The following STK32A variants were observed in gnomAD, a reference collection of about 807,000 sequenced individuals.
STK32A encodes the protein serine/threonine kinase 32A, also known as serine/threonine-protein kinase 32A.
A neutral mutation model predicts 53.2 loss-of-function variants in STK32A; 41 were observed. The ratio of observed to expected loss-of-function variants is 0.77; its 90% confidence interval spans 0.60 to 1.00. The LOEUF (loss-of-function observed/expected upper bound fraction) is 1.00, where lower values mean the gene tolerates loss of function less well. Ranked by LOEUF, STK32A falls within the 50% of genes least tolerant of loss-of-function variation. The probability of loss-of-function intolerance (pLI) is 0.00; values close to 1 mark genes in which losing one functional copy is unlikely to be tolerated. For missense variants in STK32A, 458 were observed against 485.8 expected (o/e 0.94, Z 0.54); for synonymous variants, 166 against 162.8 (o/e 1.02, Z -0.15).
At chr5:147,298,877 T>C (rs1429998830) in intron 4 of STK32A, among the ~76,000 whole-genome samples, 1 of 152,178 alleles carries the variant, frequency 6.6e-6, no homozygotes, top group African/African-American at 2.4e-5. Context: ...GAGTTAAGAA[T>C]GTGTATGGCT....
chr5:147,255,400 GCACAGTATGA>G (rs1343606583), intron 2 of STK32A, among the ~76,000 whole-genome samples: 1 of 152,180 alleles, frequency 6.6e-6, no homozygotes, highest in African/African-American at 2.4e-5. Context: ...ACTTACGGAT[GCACAGTATGA>G]CACAGCACCC....
intron 7 of STK32A, among the ~76,000 whole-genome samples, chr5:147,357,154 T>C (rs1185992006): frequency 6.6e-6 from 1 of 152,120 alleles, no homozygotes; most frequent in Non-Finnish European, 1.5e-5. Flanking sequence ...ATTAATTAAT[T>C]TGATTAATTA....
chr5:147,265,263 T>C (rs905519155), intron 2 of STK32A, among the ~76,000 whole-genome samples: 2 of 151,886 alleles, frequency 1.3e-5, no homozygotes, highest in Non-Finnish European at 2.9e-5. Flanking sequence ...ACTGCAAGTC[T>C]GTCTGATGTG....
intron 1 of STK32A, among the ~76,000 whole-genome samples, chr5:147,238,717 A>G (rs1266727509): frequency 6.6e-6 from 1 of 152,100 alleles, no homozygotes; most frequent in Middle Eastern, 3.2e-3. Context: ...AGTTATATAT[A>G]TGTGTATTAT....
intron 4 of STK32A, among the ~76,000 whole-genome samples, chr5:147,314,359 G>T (rs1402574302): frequency 6.6e-6 from 1 of 151,952 alleles, no homozygotes; most frequent in Non-Finnish European, 1.5e-5. Context: ...TTAGCTGGGT[G>T]TGGTGTCAGG....
chr5:147,238,433 T>A (rs1254246247), intron 1 of STK32A, among the ~76,000 whole-genome samples: 1 of 152,208 alleles, frequency 6.6e-6, no homozygotes, highest in Non-Finnish European at 1.5e-5. Context: ...GTTACATAAC[T>A]GGGCCAAAGG....
At chr5:147,312,985 A>G (rs1257988949) in intron 4 of STK32A, among the ~76,000 whole-genome samples, 1 of 151,434 alleles carries the variant, frequency 6.6e-6, no homozygotes, top group East Asian at 1.9e-4. Context: ...TCACACCTGT[A>G]ACCACAACAT....
intron 7 of STK32A, among the ~76,000 whole-genome samples, chr5:147,356,900 T>C (rs1756274702): frequency 6.6e-6 from 1 of 152,172 alleles, no homozygotes; most frequent in South Asian, 2.1e-4. Context: ...AAAAATCCTG[T>C]TAGCAGAATT....
At chr5:147,344,015 G>T (rs9885145) in intron 6 of STK32A, among the ~76,000 whole-genome samples, 46,248 of 151,938 alleles carry the variant, frequency 0.3, 9,726 homozygotes, top group African/African-American at 0.6. Flanking sequence ...TGTGTATATT[G>T]GGATTTATTA....
chr5:147,348,896 A>G (rs1426787006), intron 6 of STK32A: 3 of 588,250 alleles, frequency 5.1e-6, no homozygotes, highest in Admixed American at 5.3e-5. Context: ...TGAGAAGACT[A>G]TGATTATCTT....
At chr5:147,337,128 C>G (rs979351324) in intron 5 of STK32A, among the ~76,000 whole-genome samples, 1 of 152,134 alleles carries the variant, frequency 6.6e-6, no homozygotes, top group African/African-American at 2.4e-5. Flanking sequence ...TCAATTCTTC[C>G]TTGGATCCTG....
At position 147,361,611 on chromosome 5, in the gene STK32A, C is replaced by G. The variant is rs770152763; in HGVS notation, c.657C>G (p.Gly219=). 12 of 1,604,842 alleles carry G rather than the reference C, an allele frequency of 7.5e-6. No homozygotes were observed. The highest frequency in any genetic ancestry group is 1.0e-5 in the Non-Finnish European group (12 of 1,172,328). The change falls in exon 8 of 13, where the codon GGC becomes GGG. Residue 219 remains glycine (G), a synonymous_variant. Transcript: ENST00000397936. Reference sequence around the variant, plus strand: ...TGACGGCATATGAACTGCTGAGAGGCCGGGTACTGTAGTAGCATTTCCTCT... The same window carrying G: ...TGACGGCATATGAACTGCTGAGAGGGCGGGTACTGTAGTAGCATTTCCTCT... ...LGVTAYELLR[G]RRPYHIRSST... is the part of the protein sequence containing the mutation.
chr5:147,333,793 T>G (rs1754988029), intron 5 of STK32A, among the ~76,000 whole-genome samples: 1 of 152,190 alleles, frequency 6.6e-6, no homozygotes, highest in Admixed American at 6.5e-5. Context: ...CATTACACAT[T>G]CTTATATAAC....
intron 10 of STK32A, among the ~76,000 whole-genome samples, chr5:147,373,577 T>A (rs766847871): frequency 1.3e-5 from 2 of 152,128 alleles, no homozygotes; most frequent in Non-Finnish European, 2.9e-5. Context: ...AAGGAAGTCC[T>A]AGTTCCCCAA....
chr5:147,280,367 G>A (rs1451976019), intron 4 of STK32A, among the ~76,000 whole-genome samples: 1 of 125,832 alleles, frequency 7.9e-6, no homozygotes, highest in Non-Finnish European at 1.6e-5. Context: ...TTTCAAGCAG[G>A]TATTGCTTCT....
intron 4 of STK32A, among the ~76,000 whole-genome samples, chr5:147,316,195 C>T (rs538840739): frequency 5.7e-4 from 87 of 152,146 alleles, no homozygotes; most frequent in African/African-American, 2.0e-3. Context: ...CATTGAGAAC[C>T]AAGATTTTCA....
chr5:147,357,375 A>G (rs559591179), intron 7 of STK32A, among the ~76,000 whole-genome samples: 1 of 152,066 alleles, frequency 6.6e-6, no homozygotes, highest in South Asian at 2.1e-4. Flanking sequence ...TATTTCTTTG[A>G]CTTCTTTTGT....
chr5:147,256,113 C>T (rs1311745111), intron 2 of STK32A, among the ~76,000 whole-genome samples: 2 of 152,308 alleles, frequency 1.3e-5, no homozygotes, highest in East Asian at 1.9e-4. Flanking sequence ...TCCACACATC[C>T]GCTCGGGGAT....
chr5:147,252,318 T>A (rs1055765335), intron 2 of STK32A, among the ~76,000 whole-genome samples: 6 of 152,202 alleles, frequency 3.9e-5, no homozygotes, highest in African/African-American at 1.4e-4. Flanking sequence ...TCATTTTCTG[T>A]CCAGAGTATA....
Sources: gnomAD v4.1 joint callset for allele counts (sites outside exome capture counted in the v4.1 genomes callset) on GRCh38, gnomAD v4.1.1 for gene constraint, MANE v1.5 for transcripts, NCBI Gene and HGNC (gene_info 2026-07-23, HGNC 2026-07-21) for gene names.